ST6GALNAC5: variants seen among roughly 807,000 people sequenced by gnomAD.
The protein encoded by ST6GALNAC5 is ST6 N-acetylgalactosaminide alpha-2,6-sialyltransferase 5.
In ST6GALNAC5, 27 loss-of-function variants were observed where a neutral mutation model predicts 33.6. That is an observed-to-expected ratio of 0.80 (90% CI 0.59 to 1.11). The LOEUF is 1.11. Among genes scored for constraint, ST6GALNAC5 ranks in the 50% least tolerant of loss-of-function variants. The pLI, the probability that ST6GALNAC5 is intolerant of heterozygous loss-of-function variation, is 0.00. For missense variants in ST6GALNAC5, 428 were observed against 454.0 expected (o/e 0.94, Z 0.52); for synonymous variants, 194 against 171.2 (o/e 1.13, Z -1.04).
At chr1:76,958,694 ACCCTTAATTTCAT>A (rs1648106752) in intron 2 of ST6GALNAC5, among the ~76,000 whole-genome samples, 1 of 151,812 alleles carries the variant, frequency 6.6e-6, no homozygotes, top group African/African-American at 2.4e-5. Flanking sequence ...TTCCTGAACA[ACCCTTAATTTCAT>A]GATCATGGTA....
chr1:77,030,777 G>T lies in ST6GALNAC5; in HGVS notation c.262-13427G>T, dbSNP rs2100447463. Among the ~76,000 whole-genome samples, 3 of 152,300 alleles carry T rather than the reference G, an allele frequency of 2.0e-5. No homozygotes were observed. The South Asian group carries it at 6.2e-4, about 32-fold the overall frequency. Reference sequence around the variant, plus strand: ...AAAATATTCCCTGTTTCTAAGAAAAGAAGAAGTTTTCTAAACCTTGAAACT... The same window carrying T: ...AAAATATTCCCTGTTTCTAAGAAAATAAGAAGTTTTCTAAACCTTGAAACT... On this transcript the variant is annotated intron_variant, in intron 2 of 4. Transcript: ENST00000477717.
intron 2 of ST6GALNAC5, among the ~76,000 whole-genome samples, chr1:76,887,145 C>A (rs1240648912): frequency 6.6e-6 from 1 of 152,012 alleles, no homozygotes; most frequent in East Asian, 1.9e-4. Flanking sequence ...CCTCCACACA[C>A]AAAAGTAAAA....
intron 2 of ST6GALNAC5, among the ~76,000 whole-genome samples, chr1:76,989,058 C>T (rs1649620327): frequency 6.6e-6 from 1 of 152,078 alleles, no homozygotes; most frequent in Admixed American, 6.6e-5. Flanking sequence ...ATTCTTCTTT[C>T]TTGTAAAATT....
chr1:76,969,571 C>T (rs1325297816), intron 2 of ST6GALNAC5, among the ~76,000 whole-genome samples: 2 of 152,220 alleles, frequency 1.3e-5, no homozygotes, highest in African/African-American at 4.8e-5. Context: ...AGGCTACTGC[C>T]TCTGTAGACT....
At chr1:76,873,637 A>G (rs374166876) in intron 2 of ST6GALNAC5, among the ~76,000 whole-genome samples, 1 of 152,326 alleles carries the variant, frequency 6.6e-6, no homozygotes, top group East Asian at 1.9e-4. Context: ...TTCTGCCCAC[A>G]AAAGTAATTC....
intron 2 of ST6GALNAC5, among the ~76,000 whole-genome samples, chr1:76,976,074 G>A (rs1443150742): frequency 7.9e-5 from 12 of 151,998 alleles, no homozygotes; most frequent in Non-Finnish European, 1.8e-4. Flanking sequence ...CAGCCTGGGC[G>A]ACAAAGCGAG....
chr1:76,940,819 T>A (rs923713629), intron 2 of ST6GALNAC5, among the ~76,000 whole-genome samples: 3 of 152,110 alleles, frequency 2.0e-5, no homozygotes, highest in Non-Finnish European at 4.4e-5. Context: ...AGTGTACTGA[T>A]TTTGCCTTCT....
At chr1:76,999,322 G>C (rs572521541) in intron 2 of ST6GALNAC5, among the ~76,000 whole-genome samples, 8 of 152,180 alleles carry the variant, frequency 5.3e-5, no homozygotes, top group Admixed American at 6.5e-5. Context: ...TTCATCAAGA[G>C]GCAAGAGACT....
At chr1:76,892,463 T>C (rs1654034543) in intron 2 of ST6GALNAC5, among the ~76,000 whole-genome samples, 2 of 152,216 alleles carry the variant, frequency 1.3e-5, no homozygotes, top group African/African-American at 4.8e-5. Flanking sequence ...TGGCTTCTGA[T>C]ATTCATCTTT....
intron 2 of ST6GALNAC5, among the ~76,000 whole-genome samples, chr1:77,000,966 G>A (rs1570076362): frequency 6.6e-6 from 1 of 151,458 alleles, no homozygotes; most frequent in Middle Eastern, 3.4e-3. Flanking sequence ...GATTGCCTTG[G>A]CGATGCGGGC....
Position 76,871,865 on chromosome 1 carries a change from C to T in ST6GALNAC5, c.261+3123C>T, listed in dbSNP as rs1653512383. Among the ~76,000 whole-genome samples the T allele has an allele frequency of 3.3e-5, 5 of 152,180 alleles. No homozygotes were observed. In the South Asian group the frequency reaches 1.0e-3, roughly 32 times the overall value. On this transcript the variant is annotated intron_variant, in intron 2 of 4. Transcript: ENST00000477717. ...CAATCCCTTTCCCCAGACCAATTCC[C>T]ACAAATGTTCCACCAACTCATTTCC...
intron 4 of ST6GALNAC5, among the ~76,000 whole-genome samples, chr1:77,055,366 T>C (rs544544221): frequency 6.6e-6 from 1 of 152,330 alleles, no homozygotes; most frequent in Non-Finnish European, 1.5e-5. Context: ...AGCTGGCTGG[T>C]TTTCCACTGG....
chr1:77,067,510 G>A lies in ST6GALNAC5; in HGVS notation c.*4304G>A, dbSNP rs184794960. On this transcript the variant is annotated 3_prime_UTR_variant, in exon 5 of 5. Transcript: ENST00000477717. ...GTATAGTGCCTTGCACACAATAGGT[G>A]CTCAATAAATGTCTGTTGTTGATCA... Among the ~76,000 whole-genome samples the A allele has an allele frequency of 1.3e-5, 2 of 152,290 alleles. No individual in the cohort carries two copies. The highest frequency in any genetic ancestry group is 3.9e-4 in the East Asian group (2 of 5,176).
At chr1:77,041,225 C>G (rs1349272702) in intron 2 of ST6GALNAC5, among the ~76,000 whole-genome samples, 1 of 152,250 alleles carries the variant, frequency 6.6e-6, no homozygotes. Context: ...TCTCACCTCT[C>G]TGGCTCTTCT....
At chr1:77,058,133 CA>C (rs1168542263) in intron 4 of ST6GALNAC5, among the ~76,000 whole-genome samples, 1 of 152,214 alleles carries the variant, frequency 6.6e-6, no homozygotes. Flanking sequence ...GGAGTTTTTC[CA>C]AGACACAGAA....
At chr1:76,929,564 G>A (rs1293163788) in intron 2 of ST6GALNAC5, among the ~76,000 whole-genome samples, 2 of 152,004 alleles carry the variant, frequency 1.3e-5, no homozygotes, top group Non-Finnish European at 2.9e-5. Flanking sequence ...AACTGCATCT[G>A]GAGCTTTGCT....
intron 4 of ST6GALNAC5, among the ~76,000 whole-genome samples, chr1:77,053,309 G>A (rs566105777): frequency 6.6e-6 from 1 of 152,164 alleles, no homozygotes; most frequent in Non-Finnish European, 1.5e-5. Flanking sequence ...GTTTTGTGTG[G>A]TGGCAGAGCT....
chr1:76,930,843 A>G (rs1371004214), intron 2 of ST6GALNAC5, among the ~76,000 whole-genome samples: 1 of 152,156 alleles, frequency 6.6e-6, no homozygotes, highest in Non-Finnish European at 1.5e-5. Context: ...TAAAATATTT[A>G]TGAAGCCTAT....
chr1:76,901,073 T>C (rs1290411313), intron 2 of ST6GALNAC5, among the ~76,000 whole-genome samples: 1 of 152,210 alleles, frequency 6.6e-6, no homozygotes, highest in Non-Finnish European at 1.5e-5. Flanking sequence ...ACTTAAAGAT[T>C]GAGAAGATGG....
Sources: gnomAD v4.1 joint callset for allele counts (sites outside exome capture counted in the v4.1 genomes callset) on GRCh38, gnomAD v4.1.1 for gene constraint, MANE v1.5 for transcripts, NCBI Gene and HGNC (gene_info 2026-07-23, HGNC 2026-07-21) for gene names.